GPM6A: variants seen among roughly 807,000 people sequenced by gnomAD.
The protein encoded by GPM6A is glycoprotein M6A.
A neutral mutation model predicts 32.1 loss-of-function variants in GPM6A; 7 were observed. That is an observed-to-expected ratio of 0.22 (90% CI 0.12 to 0.41). GPM6A has a LOEUF of 0.41. Among genes scored for constraint, GPM6A ranks in the 10% least tolerant of loss-of-function variants. The pLI is 1.00. For missense variants in GPM6A, 235 were observed against 347.2 expected, an observed-to-expected ratio of 0.68 and a Z score of 2.57; for synonymous variants, 130 against 123.4, an observed-to-expected ratio of 1.05 and a Z score of -0.35.
intron 3 of GPM6A, among the ~76,000 whole-genome samples, chr4:175,671,755 A>T (rs1256442468): frequency 6.6e-6 from 1 of 152,164 alleles, no homozygotes. Flanking sequence ...GGTATGGCTC[A>T]GAGCCTCACC....
intron 3 of GPM6A, among the ~76,000 whole-genome samples, chr4:175,671,994 A>AAAAAAAG (rs528920169): frequency 2.0e-5 from 3 of 147,252 alleles, no homozygotes; most frequent in Non-Finnish European, 3.0e-5. Context: ...GAAAAAAAAA[A>AAAAAAAG]AAAGAAAGAA....
chr4:175,913,727 C>A (rs538173230), intron 1 of GPM6A, among the ~76,000 whole-genome samples: 2 of 152,246 alleles, frequency 1.3e-5, no homozygotes, highest in East Asian at 3.9e-4. Flanking sequence ...CTCCTTCAAG[C>A]CTTTGCCAAA....
At chr4:175,723,566 A>G (rs979095025) in intron 1 of GPM6A, among the ~76,000 whole-genome samples, 18 of 152,148 alleles carry the variant, frequency 1.2e-4, no homozygotes, top group African/African-American at 3.6e-4. Context: ...CTAGAATGCT[A>G]TATTTTCACC....
At chr4:175,746,799 T>C (rs1217869515) in intron 1 of GPM6A, among the ~76,000 whole-genome samples, 1 of 152,148 alleles carries the variant, frequency 6.6e-6, no homozygotes, top group Non-Finnish European at 1.5e-5. Flanking sequence ...CTTCACAAAC[T>C]GATGTGTGTT....
intron 4 of GPM6A, 115 bp from the exon 5 acceptor site, chr4:175,640,944 TGTTA>T: frequency 3.0e-6 from 2 of 657,428 alleles, no homozygotes; most frequent in South Asian, 3.5e-5. Flanking sequence ...TCTTATGTTA[TGTTA>T]CAGTGGAAAA....
chr4:175,832,980 A>G (rs1735660458), intron 1 of GPM6A, among the ~76,000 whole-genome samples: 1 of 152,212 alleles, frequency 6.6e-6, no homozygotes, highest in South Asian at 2.1e-4. Context: ...CCCACTAAGC[A>G]GGAAATACAA....
At chr4:175,924,972 C>T (rs1257136131) in intron 1 of GPM6A, among the ~76,000 whole-genome samples, 1 of 151,586 alleles carries the variant, frequency 6.6e-6, no homozygotes, top group African/African-American at 2.4e-5. Flanking sequence ...TTGTAAAGAA[C>T]ATTAGTTCTT....
intron 1 of GPM6A, among the ~76,000 whole-genome samples, chr4:175,851,731 G>A (rs1478243167): frequency 2.0e-5 from 3 of 152,150 alleles, no homozygotes; most frequent in Non-Finnish European, 4.4e-5. Flanking sequence ...AGTTGTGATT[G>A]GCAAGTCCAG....
chr4:175,746,607 T>A (rs1171499703), intron 1 of GPM6A, among the ~76,000 whole-genome samples: 1 of 152,050 alleles, frequency 6.6e-6, no homozygotes, highest in Non-Finnish European at 1.5e-5. Flanking sequence ...CCAAAATGAG[T>A]AGATCCAAAT....
chr4:175,941,734 A>G (rs967862648), intron 1 of GPM6A, among the ~76,000 whole-genome samples: 3 of 152,220 alleles, frequency 2.0e-5, no homozygotes, highest in East Asian at 1.9e-4. Context: ...TTATGGCTGC[A>G]TAGTATTCAA....
intron 1 of GPM6A, among the ~76,000 whole-genome samples, chr4:175,764,570 T>C (rs533331883): frequency 1.2e-4 from 19 of 152,246 alleles, no homozygotes; most frequent in African/African-American, 3.8e-4. Context: ...ACTGTTTTCA[T>C]TCTAAACAGG....
At chr4:175,637,617 AATATATATT>A (rs1468915637) in intron 6 of GPM6A, among the ~76,000 whole-genome samples, 3 of 26,626 alleles carry the variant, frequency 1.1e-4, no homozygotes, top group Non-Finnish European at 2.8e-4. Context: ...TATAATATAT[AATATATATT>A]ATATATATAT....
chr4:175,796,877 C>G (rs1734253436), intron 1 of GPM6A, among the ~76,000 whole-genome samples: 1 of 152,154 alleles, frequency 6.6e-6, no homozygotes, highest in African/African-American at 2.4e-5. Context: ...AATTTCTTTC[C>G]TGTCTAAACA....
intron 2 of GPM6A, among the ~76,000 whole-genome samples, chr4:175,680,402 C>T (rs1298620312): frequency 1.3e-5 from 2 of 152,164 alleles, no homozygotes; most frequent in African/African-American, 2.4e-5. Flanking sequence ...TTATTCACCT[C>T]ATTACAAAAA....
chr4:175,929,387 C>T (rs1480600030), intron 1 of GPM6A, among the ~76,000 whole-genome samples: 6 of 152,140 alleles, frequency 3.9e-5, no homozygotes, highest in Admixed American at 2.0e-4. Context: ...TTATAGGGGC[C>T]GTTGTTACAG....
At chr4:175,771,627 T>TA (rs1455047720) in intron 1 of GPM6A, among the ~76,000 whole-genome samples, 1 of 149,082 alleles carries the variant, frequency 6.7e-6, no homozygotes, top group East Asian at 2.0e-4. Context: ...AATAAAAGCA[T>TA]AAAAAATCCA....
chr4:175,721,878 A>G (rs1254053885), intron 1 of GPM6A, among the ~76,000 whole-genome samples: 2 of 152,206 alleles, frequency 1.3e-5, no homozygotes, highest in Non-Finnish European at 1.5e-5. Flanking sequence ...AGTGAAAGAC[A>G]TTCACAGTGG....
At chr4:175,784,775 G>C (rs920041943) in intron 1 of GPM6A, among the ~76,000 whole-genome samples, 14 of 152,026 alleles carry the variant, frequency 9.2e-5, no homozygotes, top group African/African-American at 3.4e-4. Flanking sequence ...GAACAGTATT[G>C]CTAGAGGCTG....
chr4:175,650,402 T>TCAAGAAATTCTCCTGCCTC (rs1216570123), intron 4 of GPM6A, among the ~76,000 whole-genome samples: 1 of 152,052 alleles, frequency 6.6e-6, no homozygotes, highest in African/African-American at 2.4e-5. Context: ...CCTCCTGGGT[T>TCAAGAAATTCTCCTGCCTC]CAAGAAATTC....
Sources: allele counts gnomAD v4.1 joint callset (sites outside exome capture counted in the v4.1 genomes callset), GRCh38; gene constraint gnomAD v4.1.1; transcripts MANE v1.5; gene names NCBI Gene and HGNC (gene_info 2026-07-23, HGNC 2026-07-21).